Variants in MTCL2 observed in about 807,000 individuals in gnomAD.
The protein encoded by MTCL2 is microtubule cross-linking factor 2.
chr20:36,853,247 A>G, the MTCL2 span, among the ~76,000 whole-genome samples: 1 of 152,192 alleles, frequency 6.6e-6, no homozygotes, highest in South Asian at 2.1e-4. Context: ...CAATGCCAAG[A>G]AATGAGATGC....
chr20:36,823,789 C>T, the MTCL2 span, among the ~76,000 whole-genome samples: 1 of 152,162 alleles, frequency 6.6e-6, no homozygotes, highest in Non-Finnish European at 1.5e-5. Flanking sequence ...GCCTGAGTGA[C>T]ACAGCAAGAC....
At chr20:36,811,030 C>T in the MTCL2 span, among the ~76,000 whole-genome samples, 1 of 152,040 alleles carries the variant, frequency 6.6e-6, no homozygotes. Context: ...CCCCAGAACT[C>T]CTACATAAAA....
At chr20:36,829,168 C>A in the MTCL2 span, 2 of 1,609,978 alleles carry the variant, frequency 1.2e-6, no homozygotes, top group Non-Finnish European at 1.7e-6. Context: ...TCTTCTCCAC[C>A]ACCTCGAGCT....
At chr20:36,822,212 A>C in the MTCL2 span, among the ~76,000 whole-genome samples, 1 of 152,266 alleles carries the variant, frequency 6.6e-6, no homozygotes, top group Non-Finnish European at 1.5e-5. Context: ...CCCGCAAGAA[A>C]GCCAGGGCCT....
the MTCL2 span, chr20:36,815,806 T>C: frequency 6.3e-7 from 1 of 1,593,182 alleles, no homozygotes; most frequent in Non-Finnish European, 8.5e-7. The surrounding 1 kb of genome is among the most constrained non-coding windows in gnomAD (Gnocchi z 5.3). Flanking sequence ...GAGCGGAACT[T>C]GGCCAGCTCG....
the MTCL2 span, among the ~76,000 whole-genome samples, chr20:36,857,970 C>A: frequency 6.6e-6 from 1 of 152,134 alleles, no homozygotes; most frequent in Non-Finnish European, 1.5e-5. Context: ...CACATGCACA[C>A]ACAAACATCC....
chr20:36,843,992 C>G, the MTCL2 span, among the ~76,000 whole-genome samples: 1 of 152,154 alleles, frequency 6.6e-6, no homozygotes, highest in Non-Finnish European at 1.5e-5. Context: ...AATCCCAGCA[C>G]TTTGGGAGGC....
the MTCL2 span, among the ~76,000 whole-genome samples, chr20:36,799,615 G>A: frequency 3.3e-5 from 5 of 152,108 alleles, no homozygotes; most frequent in East Asian, 1.9e-4. Context: ...CCTGGGAGGC[G>A]GAGGTTGCAG....
the MTCL2 span, among the ~76,000 whole-genome samples, chr20:36,803,405 G>C: frequency 6.6e-6 from 1 of 152,146 alleles, no homozygotes; most frequent in African/African-American, 2.4e-5. Flanking sequence ...CAGCAAGATG[G>C]TTTTCTTGGC....
At chr20:36,815,160 A>G in the MTCL2 span, 8 of 1,605,284 alleles carry the variant, frequency 5.0e-6, no homozygotes, top group South Asian at 8.9e-5. The surrounding 1 kb of genome is among the most constrained non-coding windows in gnomAD (Gnocchi z 5.3). Flanking sequence ...TGCCAGAAGA[A>G]TCTCCTTAGA....
the MTCL2 span, chr20:36,784,120 C>T: frequency 3.9e-5 from 38 of 985,700 alleles, no homozygotes; most frequent in Admixed American, 6.1e-5. Context: ...AGGCTGAGTA[C>T]GCAGCCTCCC....
chr20:36,803,087 C>G, the MTCL2 span: 1 of 1,606,972 alleles, frequency 6.2e-7, no homozygotes, highest in Non-Finnish European at 8.5e-7. Flanking sequence ...CCCCGGCCCC[C>G]TTCCCTGTCT....
the MTCL2 span, chr20:36,783,716 T>C: frequency 1.0e-6 from 1 of 975,512 alleles, no homozygotes; most frequent in Non-Finnish European, 1.2e-6. Context: ...GGCAGTTTTC[T>C]GCTTTGGGAA....
the MTCL2 span, chr20:36,780,059 T>C: frequency 6.6e-6 from 1 of 152,152 alleles, no homozygotes; most frequent in Non-Finnish European, 1.5e-5. Flanking sequence ...TCTCATTCAC[T>C]ACTGGGGATG....
chr20:36,815,948 G>C, the MTCL2 span: 4 of 1,612,994 alleles, frequency 2.5e-6, no homozygotes, highest in Non-Finnish European at 2.5e-6. This position sits in a 1 kb window ranked among gnomAD's most constrained non-coding sequence, Gnocchi z 5.3. Context: ...CACCCAGCGC[G>C]GAGAAGGCCA....
the MTCL2 span, among the ~76,000 whole-genome samples, chr20:36,817,775 G>A: frequency 6.6e-6 from 1 of 152,222 alleles, no homozygotes. Context: ...GGAAAGCTGT[G>A]TTTCTGTTCT....
At chr20:36,847,195 G>A in the MTCL2 span, among the ~76,000 whole-genome samples, 1 of 152,234 alleles carries the variant, frequency 6.6e-6, no homozygotes, top group Admixed American at 6.5e-5. Flanking sequence ...GCTTGAGCAA[G>A]GGACCTGCGG....
At chr20:36,794,204 G>A in the MTCL2 span, 1 of 1,547,636 alleles carries the variant, frequency 6.5e-7, no homozygotes, top group Non-Finnish European at 8.7e-7. The surrounding 1 kb of genome is among the most constrained non-coding windows in gnomAD (Gnocchi z 5.4). Context: ...CAGCCCATCA[G>A]CCTCGGCCGA....
At chr20:36,858,111 T>A in the MTCL2 span, among the ~76,000 whole-genome samples, 1 of 152,114 alleles carries the variant, frequency 6.6e-6, no homozygotes, top group Admixed American at 6.5e-5. Flanking sequence ...AAAAGCTCAC[T>A]GCTCTGGTCA....
Sources: gnomAD v4.1 joint callset for allele counts (sites outside exome capture counted in the v4.1 genomes callset) on GRCh38, gnomAD v4.1.1 for gene constraint, Gnocchi (gnomAD v3.1) non-coding constraint, MANE v1.5 for transcripts, NCBI Gene and HGNC (gene_info 2026-07-23, HGNC 2026-07-21) for gene names.